The following KLHL42 variants were observed in gnomAD, a reference collection of about 807,000 sequenced individuals.
KLHL42 encodes kelch-like protein 42.
Under a neutral mutation model 32.7 loss-of-function variants are expected in KLHL42, and 27 were observed. That is an observed-to-expected ratio of 0.83 (90% CI 0.61 to 1.14). The LOEUF is 1.14. Ranked by LOEUF, KLHL42 falls within the 50% of genes most tolerant of loss-of-function variation. The pLI is 0.00. For missense variants in KLHL42, 491 were observed against 560.8 expected (o/e 0.88, Z 1.26); for synonymous variants, 267 against 248.2 (o/e 1.08, Z -0.71).
rs541643540 is a variant in KLHL42, at chr12:27,780,593, G to T, written c.263G>T (p.Gly88Val). 8.5e-5 allele frequency: 131 copies of T among 1,543,466 alleles called. No homozygotes were observed. Among genetic ancestry groups the T allele is most frequent in the Admixed American group, 4.4e-4 (22 of 49,984 alleles). Residue 88 changes from glycine to valine, a missense_variant, in exon 1 of 3, where the codon GGC (glycine) becomes GTC (valine). By Grantham distance (109) the Gly-to-Val change is moderately radical (BLOSUM62 -3). This residue lies in a region of KLHL42 where 248 missense variants were observed against 329.2 expected (regional missense o/e 0.75). Transcript: ENST00000381271. This position sits in a 1 kb window ranked among gnomAD's most constrained non-coding sequence, Gnocchi z 8.8. ...WLLGPRGEKG[G>V]GVDEDEEMDE... Reference sequence around the variant, plus strand: ...CTGGGCCCGCGCGGGGAAAAGGGCGGCGGGGTGGACGAGGACGAGGAGATG... The same window carrying T: ...CTGGGCCCGCGCGGGGAAAAGGGCGTCGGGGTGGACGAGGACGAGGAGATG...
chr12:27,798,165 G>A lies in KLHL42; in HGVS notation c.1517G>A (p.Ter506=). The part of the protein sequence containing the change: ...SLYLPNKAET[*] The stretch of plus-strand genomic sequence containing the variant: ...TATCTGCCCAATAAAGCAGAAACAT[G>A]ACTGAATTGAATTGGTAGATGAAAA... The change falls in exon 3 of 3, where the codon TGA becomes TAA. Residue 506 remains the stop codon, a stop_retained_variant. Coordinates refer to ENST00000381271, the MANE Select transcript of KLHL42 (RefSeq NM_020782.2). The A allele has an allele frequency of 1.3e-6, 1 of 775,038 alleles. No individual in the cohort carries two copies. The highest frequency in any genetic ancestry group is 2.4e-6 in the Non-Finnish European group (1 of 414,868). The allele number at this position is 775,038 out of a possible 1,614,324, so 48.0% of individuals were successfully genotyped here.
At chr12:27,797,134 C>CAAAA (rs543472917) in intron 2 of KLHL42, 992 of 369,744 alleles carry the variant, frequency 2.7e-3, no homozygotes, top group Non-Finnish European at 4.3e-3. Context: ...TAAAAAAAAA[C>CAAAA]AAAAAAAAAA....
chr12:27,780,752 GGCTGCCCGACCT>G lies in KLHL42; in HGVS notation c.425_436del (p.Leu142_Leu145del). 1 of 1,613,370 alleles carries G rather than the reference GGCTGCCCGACCT, an allele frequency of 6.2e-7. No individual in the cohort carries two copies. Among genetic ancestry groups the G allele is most frequent in the Non-Finnish European group, 8.5e-7 (1 of 1,180,006 alleles). Reference sequence around the variant, plus strand: ...ATGTACCGCCTGGCGCAGGTGTACGGGCTGCCCGACCTGCAGGAGGCCTGCCTGCGCTTCATG... The same window carrying G: ...ATGTACCGCCTGGCGCAGGTGTACGGGCAGGAGGCCTGCCTGCGCTTCATG... On this transcript the variant is annotated inframe_deletion, in exon 1 of 3. Transcript: ENST00000381271. The surrounding 1 kb of genome is among the most constrained non-coding windows in gnomAD (Gnocchi z 8.8).
chr12:27,780,306 C>G lies in KLHL42; in HGVS notation c.-25C>G, dbSNP rs999217058. On this transcript the variant is annotated 5_prime_UTR_variant, in exon 1 of 3. Transcript: ENST00000381271. This position sits in a 1 kb window ranked among gnomAD's most constrained non-coding sequence, Gnocchi z 8.8. The stretch of plus-strand genomic sequence containing the variant: ...GCCGGCGCGCAGATCTGGCGGTGAG[C>G]GCTGCCGCCCCGGGGCCCCCAGCCA... 2.0e-6 allele frequency: 3 copies of G among 1,533,400 alleles called. No individual in the cohort carries two copies. Among genetic ancestry groups the G allele is most frequent in the African/African-American group, 2.9e-5 (2 of 69,386 alleles). The allele number at this position is 1,533,400 out of a possible 1,614,324, so 95.0% of individuals were successfully genotyped here. A position where few individuals can be genotyped will look rare whatever the true frequency, so the allele number is the denominator to read the frequency against.
rs749735822 is a variant in KLHL42, at chr12:27,780,455, T to C, written c.125T>C (p.Leu42Pro). ...TACCGCTCCGGCATGCGCGAGGCCC[T>C]GAGCCAGGAGGCCGGCGGCCCGGAG... is the stretch of plus-strand genomic sequence containing the variant. Reference protein sequence around the residue: ...ALYRSGMREALSQEAGGPEVQ... With the variant: ...ALYRSGMREAPSQEAGGPEVQ... The change falls in exon 1 of 3, where the codon CTG (leucine) becomes CCG (proline). Residue 42 changes from leucine (L) to proline (P), a missense_variant. By Grantham distance (98) the Leu-to-Pro change is moderately conservative (BLOSUM62 -3). This residue lies in a region of KLHL42 where 88 missense variants were observed against 89.0 expected (regional missense o/e 0.99). Transcript: ENST00000381271. This position sits in a 1 kb window ranked among gnomAD's most constrained non-coding sequence, Gnocchi z 8.8. 1 of 1,546,322 alleles carries C rather than the reference T, an allele frequency of 6.5e-7. No homozygotes were observed. The highest frequency in any genetic ancestry group is 2.5e-5 in the East Asian group (1 of 40,210).
chr12:27,800,395 CTT>C lies in KLHL42; in HGVS notation c.*2231_*2232del. On this transcript the variant is annotated 3_prime_UTR_variant, in exon 3 of 3. Transcript: ENST00000381271. ...GTGTATGTTTGCATATTATAGCTCT[CTT>C]TAAGACAGACATCTAAAAAGATTTT... 1.0e-6 allele frequency: 1 copy of C among 983,940 alleles called. No homozygotes were observed. Among genetic ancestry groups the C allele is most frequent in the Non-Finnish European group, 1.2e-6 (1 of 829,232 alleles). The allele number at this position is 983,940 out of a possible 1,614,324, so 61.0% of individuals were successfully genotyped here.
In KLHL42 at chr12:27,802,529, A is replaced by G. The variant is rs2062252638; in HGVS notation, c.*4363A>G. On this transcript the variant is annotated 3_prime_UTR_variant, in exon 3 of 3. Transcript: ENST00000381271. ...TTCTCTGTTGACTTAGGAACACATC[A>G]TAAATTCACACCAACTGACACGTTG... The G allele has an allele frequency of 1.3e-5, 2 of 152,778 alleles. No individual in the cohort carries two copies. The highest frequency in any genetic ancestry group is 1.3e-4 in the Admixed American group (2 of 15,308). The allele number at this position is 152,778 out of a possible 1,614,324, so 9.5% of individuals were successfully genotyped here.
In KLHL42 at chr12:27,801,936, G is replaced by A. The variant is rs1198198561; in HGVS notation, c.*3770G>A. 2.6e-5 allele frequency: 4 copies of A among 151,886 alleles called. No homozygotes were observed. Among genetic ancestry groups the A allele is most frequent in the Non-Finnish European group, 5.9e-5 (4 of 68,024 alleles). 9.4% of individuals were successfully genotyped at this position (151,886 alleles called of 1,614,324 possible). Reference sequence around the variant, plus strand: ...GAAGAGCTTACGGCCTTATAAAGAGGTTCACTGTAATTGTCTTCACCAGGG... The same window carrying A: ...GAAGAGCTTACGGCCTTATAAAGAGATTCACTGTAATTGTCTTCACCAGGG... On this transcript the variant is annotated 3_prime_UTR_variant, in exon 3 of 3. Coordinates refer to ENST00000381271, the MANE Select transcript of KLHL42 (RefSeq NM_020782.2).
intron 1 of KLHL42, among the ~76,000 whole-genome samples, chr12:27,781,494 C>G (rs1455826956): frequency 6.6e-6 from 1 of 152,112 alleles, no homozygotes; most frequent in Non-Finnish European, 1.5e-5. Context: ...GTTGTGGTTT[C>G]CTACAAGAAT....
rs1398922678 is a variant in KLHL42, at chr12:27,798,647, C to G, written c.*481C>G. On this transcript the variant is annotated 3_prime_UTR_variant, in exon 3 of 3. Coordinates refer to ENST00000381271, the MANE Select transcript of KLHL42 (RefSeq NM_020782.2). ...CTCTCTTCTCCATCACCCATACCCA[C>G]ACATACATCTAGTATGTTTAGGGTT... The G allele has an allele frequency of 6.3e-6, 1 of 158,554 alleles. No individual in the cohort carries two copies. The highest frequency in any genetic ancestry group is 2.5e-5 in the African/African-American group (1 of 40,596). 9.8% of individuals were successfully genotyped at this position (158,554 alleles called of 1,614,324 possible).
At position 27,781,107 on chromosome 12, in the gene KLHL42, C is replaced by T. The variant is rs538490560; in HGVS notation, c.777C>T (p.Gly259=). 21 of 1,613,922 alleles carry T rather than the reference C, an allele frequency of 1.3e-5. No individual in the cohort carries two copies. Among genetic ancestry groups the T allele is most frequent in the East Asian group, 6.7e-5 (3 of 44,894 alleles). Residue 259 remains glycine, a synonymous_variant, in exon 1 of 3, where the codon GGC becomes GGT. Transcript: ENST00000381271. ...AILDNYLFIV[G]GYRITSQEIS... is the part of the protein sequence containing the mutation. ...TGGACAACTACCTCTTCATAGTGGG[C>T]GGGTACAGGATCACTAGCCAGGAGA... is the stretch of plus-strand genomic sequence containing the variant.
chr12:27,791,687 G>A (rs749848182), intron 1 of KLHL42, 21 bp from the exon 2 acceptor site: 31 of 1,594,516 alleles, frequency 1.9e-5, no homozygotes, highest in Non-Finnish European at 2.6e-5. Flanking sequence ...AACTCTGTGG[G>A]CCTTTGTGTC....
At chr12:27,788,673 C>T (rs553633506) in intron 1 of KLHL42, among the ~76,000 whole-genome samples, 4 of 152,058 alleles carry the variant, frequency 2.6e-5, no homozygotes, top group Non-Finnish European at 5.9e-5. Flanking sequence ...CCAGCCTGGG[C>T]AATGAAACGA....
chr12:27,789,652 G>T (rs1229981469), intron 1 of KLHL42, among the ~76,000 whole-genome samples: 1 of 152,184 alleles, frequency 6.6e-6, no homozygotes, highest in African/African-American at 2.4e-5. Context: ...GGAAAATTTA[G>T]TGCTTGTTTA....
Position 27,798,174 on chromosome 12 carries a change from G to T in KLHL42, c.*8G>T. On this transcript the variant is annotated 3_prime_UTR_variant, in exon 3 of 3. Coordinates refer to ENST00000381271, the MANE Select transcript of KLHL42 (RefSeq NM_020782.2). ...AATAAAGCAGAAACATGACTGAATT[G>T]AATTGGTAGATGAAAAAAACCTGGT... 1 of 766,202 alleles carries T rather than the reference G, an allele frequency of 1.3e-6. No individual in the cohort carries two copies. The highest frequency in any genetic ancestry group is 1.4e-5 in the South Asian group (1 of 72,808). 47.5% of individuals were successfully genotyped at this position (766,202 alleles called of 1,614,324 possible). A position where few individuals can be genotyped will look rare whatever the true frequency, so the allele number is the denominator to read the frequency against.
In KLHL42 at chr12:27,798,444, ATGTAGATTCAT is replaced by A. The variant is rs1464504265; in HGVS notation, c.*282_*292del. ...CTTGGGCCAATGACGGATCATCAAA[ATGTAGATTCAT>A]TGTGTCTGTGTGGTAAAGGGCCAAA... On this transcript the variant is annotated 3_prime_UTR_variant, in exon 3 of 3. Coordinates refer to ENST00000381271, the MANE Select transcript of KLHL42 (RefSeq NM_020782.2). 2 of 376,660 alleles carry A rather than the reference ATGTAGATTCAT, an allele frequency of 5.3e-6. No individual in the cohort carries two copies. Among genetic ancestry groups the A allele is most frequent in the East Asian group, 1.1e-4 (2 of 18,438 alleles). The allele number at this position is 376,660 out of a possible 1,614,324, so 23.3% of individuals were successfully genotyped here. A position where few individuals can be genotyped will look rare whatever the true frequency, so the allele number is the denominator to read the frequency against.
intron 1 of KLHL42, among the ~76,000 whole-genome samples, chr12:27,787,381 G>C (rs2062176955): frequency 6.6e-6 from 1 of 151,552 alleles, no homozygotes; most frequent in African/African-American, 2.4e-5. Flanking sequence ...TGTAGTCCTA[G>C]CTACTTGAGA....
chr12:27,794,697 T>TGG (rs576074535), intron 2 of KLHL42, among the ~76,000 whole-genome samples: 11 of 152,172 alleles, frequency 7.2e-5, no homozygotes, highest in Admixed American at 7.2e-4. Context: ...TCACAGGTTC[T>TGG]GGGGATTAGG....
rs1418035839 is a variant in KLHL42, at chr12:27,780,519, G to T, written c.189G>T (p.Arg63=). 1 of 1,542,684 alleles carries T rather than the reference G, an allele frequency of 6.5e-7. No individual in the cohort carries two copies. The highest frequency in any genetic ancestry group is 8.7e-7 in the Non-Finnish European group (1 of 1,147,964). Residue 63 remains arginine, a synonymous_variant, in exon 1 of 3, where the codon CGG becomes CGT. Transcript: ENST00000381271. The surrounding 1 kb of genome is among the most constrained non-coding windows in gnomAD (Gnocchi z 8.8). The part of the protein sequence containing the change: ...QLRGLSAPGL[R]LVLDFINAGG... ...GCGGCCTCAGCGCGCCGGGCCTGCG[G>T]CTGGTGCTGGACTTCATCAACGCCG...
Sources: gnomAD v4.1 joint callset for allele counts (sites outside exome capture counted in the v4.1 genomes callset) on GRCh38, gnomAD v4.1.1 for gene constraint, gnomAD v4.1.1 regional missense constraint, Gnocchi (gnomAD v3.1) non-coding constraint, MANE v1.5 for transcripts, NCBI Gene and HGNC (gene_info 2026-07-23, HGNC 2026-07-21) for gene names.